The following PCDHGA5 variants were observed in gnomAD, a reference collection of about 807,000 sequenced individuals.
The protein encoded by PCDHGA5 is protocadherin gamma subfamily A, 5, also known as protocadherin gamma-A5.
A neutral mutation model predicts 56.7 loss-of-function variants in PCDHGA5; 36 were observed. The observed-to-expected ratio is 0.64, with a 90% CI of 0.49 to 0.84. The LOEUF is 0.84. Among genes scored for constraint, PCDHGA5 ranks in the 40% least tolerant of loss-of-function variants. The pLI, the probability that PCDHGA5 is intolerant of heterozygous loss-of-function variation, is 0.00. For missense variants in PCDHGA5, 1,305 were observed against 1,201.5 expected (o/e 1.09, Z -1.27); for synonymous variants, 563 against 520.2 (o/e 1.08, Z -1.12).
chr5:141,492,602 C>G (rs1352851783), intron 1 of PCDHGA5, among the ~76,000 whole-genome samples: 2 of 152,222 alleles, frequency 1.3e-5, no homozygotes, highest in Non-Finnish European at 2.9e-5. Flanking sequence ...GAGCGACTGC[C>G]GCTCTAAGTG....
chr5:141,463,574 G>A (rs942457606), intron 1 of PCDHGA5, among the ~76,000 whole-genome samples: 1 of 146,978 alleles, frequency 6.8e-6, no homozygotes, highest in Non-Finnish European at 1.5e-5. Flanking sequence ...TCAGCCTCCC[G>A]AGTAGCTGGG....
At chr5:141,375,681 C>T in intron 1 of PCDHGA5, 4 of 1,614,270 alleles carry the variant, frequency 2.5e-6, no homozygotes, top group Non-Finnish European at 3.4e-6. Flanking sequence ...CTGTGGGTGA[C>T]AGCCAGCGAC....
rs762306215 is a variant in PCDHGA5 at position 141,374,474 on chromosome 5, C to A, written c.2421+7723C>A. On this transcript the variant is annotated intron_variant, in intron 1 of 3. Transcript: ENST00000518069. ...AATAGTGGACATTAATGACAATACA[C>A]CCCGATTCTTAAAGGAAGAATTGGA... 3.7e-6 allele frequency: 6 copies of A among 1,612,140 alleles called. No individual in the cohort carries two copies. In the African/African-American group the frequency reaches 4.0e-5, roughly 11 times the overall value.
At position 141,487,550 on chromosome 5, in the gene PCDHGA5, G is replaced by A. The variant is rs762537798; in HGVS notation, c.2422-7257G>A. 1 of 1,614,160 alleles carries A rather than the reference G, an allele frequency of 6.2e-7. No individual in the cohort carries two copies. The highest frequency in any genetic ancestry group is 1.1e-5 in the South Asian group (1 of 91,082). ...CTTCATGATGGTGAAGTCACCCAGT[G>A]CACCTATGGCAGGGGAGCCTGTTCG... On this transcript the variant is annotated intron_variant, in intron 1 of 3. Transcript: ENST00000518069. The surrounding 1 kb of genome is among the most constrained non-coding windows in gnomAD (Gnocchi z 5.0).
At chr5:141,456,342 G>A (rs1439003615) in intron 1 of PCDHGA5, among the ~76,000 whole-genome samples, 1 of 152,114 alleles carries the variant, frequency 6.6e-6, no homozygotes, top group African/African-American at 2.4e-5. Context: ...AAGGGTCCTC[G>A]GAAGAATGGC....
intron 1 of PCDHGA5, chr5:141,367,897 G>C (rs1471279698): frequency 6.6e-6 from 1 of 151,856 alleles, no homozygotes; most frequent in Admixed American, 6.6e-5. Flanking sequence ...TTGAGTTTAA[G>C]GTTGTATTTG....
rs377389968 is a variant in PCDHGA5, at chr5:141,404,840, C to T, written c.2421+38089C>T. On this transcript the variant is annotated intron_variant, in intron 1 of 3. Coordinates refer to ENST00000518069, the MANE Select transcript of PCDHGA5 (RefSeq NM_018918.3). Reference sequence around the variant, plus strand: ...GCACACAGGTGAAGTGCGCACAGCTCGGGCCCTGCTAGATAGAGATGCGCT... The same window carrying T: ...GCACACAGGTGAAGTGCGCACAGCTTGGGCCCTGCTAGATAGAGATGCGCT... 3.5e-5 allele frequency: 57 copies of T among 1,613,700 alleles called. No individual in the cohort carries two copies. The African/African-American group carries it at 6.3e-4, about 18-fold the overall frequency.
chr5:141,510,984 C>G lies in PCDHGA5; in HGVS notation c.2607C>G (p.Ala869=). ...ADGSSTLGGG[A]GTMGLSARYG... ...GGAGCTCCACCCTGGGAGGGGGTGC[C>G]GGCACCATGGGATTGAGCGCCCGCT... The change falls in exon 4 of 4, where the codon GCC becomes GCG. Residue 869 remains alanine (A), a synonymous_variant. Transcript: ENST00000518069. The G allele has an allele frequency of 1.2e-6, 2 of 1,614,162 alleles. No homozygotes were observed. The highest frequency in any genetic ancestry group is 1.7e-6 in the Non-Finnish European group (2 of 1,180,012).
intron 1 of PCDHGA5, among the ~76,000 whole-genome samples, chr5:141,494,034 A>T (rs1206242414): frequency 1.3e-5 from 2 of 152,162 alleles, no homozygotes; most frequent in Non-Finnish European, 2.9e-5. Flanking sequence ...CTGGAGACTT[A>T]GTTGGCCCTG....
At chr5:141,426,702 C>CA (rs1187798274) in intron 1 of PCDHGA5, 1 of 439,184 alleles carries the variant, frequency 2.3e-6, no homozygotes, top group Admixed American at 2.4e-5. Context: ...CATTGTTTTA[C>CA]AAATCAATGA....
intron 1 of PCDHGA5, chr5:141,399,573 A>T (rs1431985190): frequency 6.2e-7 from 1 of 1,614,020 alleles, no homozygotes; most frequent in Admixed American, 1.7e-5. Flanking sequence ...TGAACGGCCA[A>T]GTCTCCTACT....
At position 141,432,032 on chromosome 5, in the gene PCDHGA5, A is replaced by G; in HGVS notation, c.2422-62775A>G. On this transcript the variant is annotated intron_variant, in intron 1 of 3. Coordinates refer to ENST00000518069, the MANE Select transcript of PCDHGA5 (RefSeq NM_018918.3). The surrounding 1 kb of genome is among the most constrained non-coding windows in gnomAD (Gnocchi z 6.0). ...TAGCTACAACATCACAGTGACCGCC[A>G]CTGACCGGGGAACCCCGCCCCTATC... 2 of 1,614,242 alleles carry G rather than the reference A, an allele frequency of 1.2e-6. No homozygotes were observed. Among genetic ancestry groups the G allele is most frequent in the South Asian group, 1.1e-5 (1 of 91,086 alleles).
chr5:141,486,100 C>G lies in PCDHGA5; in HGVS notation c.2422-8707C>G. Reference sequence around the variant, plus strand: ...AGCTTACTCTTTTGGGGCCCCTAGACTTTGAGAGTGAGAATTACTATGAAT... The same window carrying G: ...AGCTTACTCTTTTGGGGCCCCTAGAGTTTGAGAGTGAGAATTACTATGAAT... On this transcript the variant is annotated intron_variant, in intron 1 of 3. Transcript: ENST00000518069. This position sits in a 1 kb window ranked among gnomAD's most constrained non-coding sequence, Gnocchi z 5.0. 1 of 1,614,190 alleles carries G rather than the reference C, an allele frequency of 6.2e-7. No individual in the cohort carries two copies. The highest frequency in any genetic ancestry group is 1.1e-5 in the South Asian group (1 of 91,086).
At chr5:141,475,997 G>A in intron 1 of PCDHGA5, 2 of 1,184,406 alleles carry the variant, frequency 1.7e-6, no homozygotes, top group East Asian at 2.4e-5. Flanking sequence ...CAAATCAACG[G>A]CATCCAGAAA....
chr5:141,432,014 A>C lies in PCDHGA5; in HGVS notation c.2422-62793A>C, dbSNP rs778393699. Reference sequence around the variant, plus strand: ...GGATAGGGAACAGGTTCCTAGCTACAACATCACAGTGACCGCCACTGACCG... The same window carrying C: ...GGATAGGGAACAGGTTCCTAGCTACCACATCACAGTGACCGCCACTGACCG... On this transcript the variant is annotated intron_variant, in intron 1 of 3. Transcript: ENST00000518069. This position sits in a 1 kb window ranked among gnomAD's most constrained non-coding sequence, Gnocchi z 6.0. 16 of 1,614,196 alleles carry C rather than the reference A, an allele frequency of 9.9e-6. 1 individual carries two copies. In the South Asian group the frequency reaches 1.6e-4, roughly 17 times the overall value.
In PCDHGA5 at chr5:141,395,547, TGTGTGTGTGTGTGTG is replaced by T. The variant is rs2093269943; in HGVS notation, c.2421+28797_2421+28811del. On this transcript the variant is annotated intron_variant, in intron 1 of 3. Coordinates refer to ENST00000518069, the MANE Select transcript of PCDHGA5 (RefSeq NM_018918.3). ...ACTGGTAATTTTGCTATTGTTTGTG[TGTGTGTGTGTGTGTG>T]TGTGTGTGTGTGTGTGTGTGTGTGT... 2.2e-3 allele frequency: 375 copies of T among 174,268 alleles called. 18 individuals carry two copies. The highest frequency in any genetic ancestry group is 5.2e-3 in the East Asian group (33 of 6,366). 10.8% of individuals were successfully genotyped at this position (174,268 alleles called of 1,614,324 possible). A position where few individuals can be genotyped will look rare whatever the true frequency, so the allele number is the denominator to read the frequency against.
At chr5:141,384,867 C>T (rs1780607130) in intron 1 of PCDHGA5, 1 of 1,613,660 alleles carries the variant, frequency 6.2e-7, no homozygotes, top group South Asian at 1.1e-5. Context: ...CTCTGTCAGC[C>T]ACCGTCACAC....
At chr5:141,496,268 G>T (rs1237681971) in intron 2 of PCDHGA5, among the ~76,000 whole-genome samples, 1 of 152,208 alleles carries the variant, frequency 6.6e-6, no homozygotes, top group Non-Finnish European at 1.5e-5. Flanking sequence ...TCAGCAGAAA[G>T]ACCTTCAGTT....
intron 1 of PCDHGA5, chr5:141,426,993 G>A (rs1331210977): frequency 1.1e-5 from 5 of 456,742 alleles, no homozygotes; most frequent in Middle Eastern, 3.3e-4. Context: ...CAACGATAAT[G>A]CCCCAGTTTT....
Sources: gnomAD v4.1 joint callset for allele counts (sites outside exome capture counted in the v4.1 genomes callset) on GRCh38, gnomAD v4.1.1 for gene constraint, Gnocchi (gnomAD v3.1) non-coding constraint, MANE v1.5 for transcripts, NCBI Gene and HGNC (gene_info 2026-07-23, HGNC 2026-07-21) for gene names.